ZNF407: variants seen among roughly 807,000 people sequenced by gnomAD.
ZNF407 encodes the protein zinc finger protein 407.
Under a neutral mutation model 131.2 loss-of-function variants are expected in ZNF407, and 17 were observed. The ratio of observed to expected loss-of-function variants is 0.13; its 90% CI spans 0.09 to 0.19. ZNF407 has a LOEUF of 0.19. Ranked by LOEUF, ZNF407 falls within the 10% of genes least tolerant of loss-of-function variation. ZNF407 has a pLI of 1.00. For synonymous variants in ZNF407, 1,156 were observed against 1,062.0 expected (o/e 1.09, Z -1.72); for missense variants, 2,681 against 2,830.6 (o/e 0.95, Z 1.20).
In ZNF407 at chr18:74,821,387, A is replaced by G. The variant is rs189496893; in HGVS notation, c.4877+39885A>G. Among the ~76,000 whole-genome samples the G allele has an allele frequency of 4.0e-4, 61 of 152,146 alleles. No individual in the cohort carries two copies. In the East Asian group the frequency reaches 0.011, roughly 26 times the overall value. On this transcript the variant is annotated intron_variant, in intron 4 of 8. Transcript: ENST00000299687. ...CTGCACCCATTAACCTGTCACCTAC[A>G]TTAGGTATTTCTCCTAATGCTATCC...
At chr18:74,661,039 G>A (rs1472085841) in intron 3 of ZNF407, among the ~76,000 whole-genome samples, 2 of 152,118 alleles carry the variant, frequency 1.3e-5, no homozygotes, top group African/African-American at 4.8e-5. Flanking sequence ...CAGTATCTAC[G>A]TAGTGAATTT....
intron 1 of ZNF407, among the ~76,000 whole-genome samples, chr18:74,626,211 T>A (rs1401764508): frequency 1.3e-5 from 2 of 152,182 alleles, no homozygotes; most frequent in Non-Finnish European, 2.9e-5. Context: ...AAGACTGATA[T>A]CAAGTGTTGG....
At chr18:74,804,139 C>CTT (rs547582109) in intron 4 of ZNF407, 64 of 1,135,784 alleles carry the variant, frequency 5.6e-5, no homozygotes, top group South Asian at 1.2e-4. Flanking sequence ...ATTTCATTGT[C>CTT]TTTTTTTTTT....
At chr18:74,779,111 T>TA (rs1599146570) in intron 3 of ZNF407, among the ~76,000 whole-genome samples, 30 of 13,406 alleles carry the variant, frequency 2.2e-3, no homozygotes, top group African/African-American at 5.7e-3. Flanking sequence ...ATATATATAT[T>TA]TTTTTTTTTT....
At chr18:74,611,085 C>T (rs542541887) in intron 1 of ZNF407, among the ~76,000 whole-genome samples, 3 of 152,290 alleles carry the variant, frequency 2.0e-5, no homozygotes, top group Admixed American at 2.0e-4. Context: ...CAGGAAACTT[C>T]CTGAGGGTGG....
At chr18:74,839,488 T>C (rs954708034) in intron 4 of ZNF407, among the ~76,000 whole-genome samples, 1 of 152,200 alleles carries the variant, frequency 6.6e-6, no homozygotes, top group Non-Finnish European at 1.5e-5. Context: ...CTTAGGCCTT[T>C]CATCTGATTG....
At chr18:74,959,405 G>A (rs139407327) in intron 8 of ZNF407, among the ~76,000 whole-genome samples, 162 of 152,254 alleles carry the variant, frequency 1.1e-3, no homozygotes, top group Middle Eastern at 3.4e-3. Context: ...TAGTCCTCCT[G>A]ATTCTAACAT....
At chr18:74,868,116 C>T (rs1456546232) in intron 4 of ZNF407, among the ~76,000 whole-genome samples, 1 of 152,170 alleles carries the variant, frequency 6.6e-6, no homozygotes, top group Admixed American at 6.5e-5. Flanking sequence ...GTTATTAAAA[C>T]ATTTTCCATT....
At chr18:74,710,005 G>T (rs1967719347) in intron 3 of ZNF407, among the ~76,000 whole-genome samples, 1 of 152,004 alleles carries the variant, frequency 6.6e-6, no homozygotes, top group Non-Finnish European at 1.5e-5. Context: ...ATTTTGACCT[G>T]AAAAAAATGT....
chr18:74,740,605 C>CTT (rs1968527284), intron 3 of ZNF407, among the ~76,000 whole-genome samples: 1 of 152,124 alleles, frequency 6.6e-6, no homozygotes, highest in Non-Finnish European at 1.5e-5. Flanking sequence ...ATCAGGGAAA[C>CTT]TTTATTGTTG....
At chr18:74,822,624 A>G (rs898691009) in intron 4 of ZNF407, among the ~76,000 whole-genome samples, 2 of 152,102 alleles carry the variant, frequency 1.3e-5, no homozygotes, top group Non-Finnish European at 2.9e-5. Flanking sequence ...ATTGGTCTAT[A>G]TCTCTGTTTT....
At chr18:74,622,730 G>A (rs1205091618) in intron 1 of ZNF407, among the ~76,000 whole-genome samples, 2 of 44,474 alleles carry the variant, frequency 4.5e-5, no homozygotes, top group African/African-American at 1.1e-4. Context: ...CCATAGTGGT[G>A]TGTGTCTGTG....
chr18:74,982,955 G>A (rs1972610139), intron 8 of ZNF407, among the ~76,000 whole-genome samples: 1 of 151,722 alleles, frequency 6.6e-6, no homozygotes, highest in Non-Finnish European at 1.5e-5. Context: ...AAAGTTGTCT[G>A]AAAAAAAATT....
At chr18:74,882,857 CT>C (rs1971256600) in intron 6 of ZNF407, among the ~76,000 whole-genome samples, 1 of 152,130 alleles carries the variant, frequency 6.6e-6, no homozygotes, top group South Asian at 2.1e-4. Flanking sequence ...CTCATGAGGG[CT>C]TTTTTGTTCT....
chr18:74,863,553 A>G (rs1412483447), intron 4 of ZNF407, among the ~76,000 whole-genome samples: 5 of 152,100 alleles, frequency 3.3e-5, no homozygotes, highest in Admixed American at 6.6e-5. Context: ...TTTATACACC[A>G]TAAGTCTCCT....
chr18:74,612,736 G>A (rs1380001495), intron 1 of ZNF407, among the ~76,000 whole-genome samples: 4 of 152,192 alleles, frequency 2.6e-5, no homozygotes, highest in African/African-American at 7.2e-5. Context: ...TGGGGTAGGC[G>A]TTATTAATAA....
At chr18:74,691,946 T>G (rs113478473) in intron 3 of ZNF407, among the ~76,000 whole-genome samples, 2 of 151,996 alleles carry the variant, frequency 1.3e-5, no homozygotes, top group African/African-American at 4.8e-5. Flanking sequence ...ATAGAAAAAT[T>G]AGCCAGGTGT....
chr18:74,983,196 T>G (rs564608327), intron 8 of ZNF407, among the ~76,000 whole-genome samples: 78 of 152,316 alleles, frequency 5.1e-4, no homozygotes, highest in African/African-American at 1.8e-3. Flanking sequence ...GTTTTGCGAT[T>G]TGAGTAGTAC....
At chr18:74,700,419 T>C (rs900262173) in intron 3 of ZNF407, among the ~76,000 whole-genome samples, 10 of 152,220 alleles carry the variant, frequency 6.6e-5, no homozygotes, top group Non-Finnish European at 1.2e-4. Flanking sequence ...GAACATGTGC[T>C]TTTCGCAAAG....
Sources: gnomAD v4.1 joint callset for allele counts (sites outside exome capture counted in the v4.1 genomes callset) on GRCh38, gnomAD v4.1.1 for gene constraint, MANE v1.5 for transcripts, NCBI Gene and HGNC (gene_info 2026-07-23, HGNC 2026-07-21) for gene names.